Variants in LRRTM3 observed in about 807,000 individuals in gnomAD.
LRRTM3 encodes the protein leucine rich repeat transmembrane neuronal 3, also known as leucine-rich repeat transmembrane neuronal protein 3.
In LRRTM3, 24 loss-of-function variants were observed where a neutral mutation model predicts 44.7. The ratio of observed to expected loss-of-function variants is 0.54; its 90% CI spans 0.39 to 0.76. LRRTM3 has a LOEUF of 0.76. Ranked by LOEUF, LRRTM3 falls within the 30% of genes least tolerant of loss-of-function variation. The probability of loss-of-function intolerance (pLI) is 0.00; values close to 1 mark genes in which losing one functional copy is unlikely to be tolerated. For synonymous variants in LRRTM3, 277 were observed against 278.7 expected, an observed-to-expected ratio of 0.99 and a Z score of 0.06; for missense variants, 587 against 702.2, an observed-to-expected ratio of 0.84 and a Z score of 1.85.
intron 2 of LRRTM3, among the ~76,000 whole-genome samples, chr10:66,982,378 A>G (rs1850491713): frequency 6.6e-6 from 1 of 152,210 alleles, no homozygotes; most frequent in Non-Finnish European, 1.5e-5. Context: ...GACTCAGGCA[A>G]GTTACTAACT....
intron 2 of LRRTM3, among the ~76,000 whole-genome samples, chr10:66,978,574 A>G (rs1462823656): frequency 8.8e-6 from 1 of 114,136 alleles, no homozygotes; most frequent in Non-Finnish European, 1.8e-5. Context: ...TATATATAGT[A>G]TGGTGTACTT....
At chr10:67,092,499 C>A (rs879589412) in intron 2 of LRRTM3, among the ~76,000 whole-genome samples, 2 of 151,726 alleles carry the variant, frequency 1.3e-5, no homozygotes, top group Non-Finnish European at 2.9e-5. Flanking sequence ...TCTTGAGTGA[C>A]CTTAACCAAA....
At chr10:67,042,565 T>G (rs968395682) in intron 2 of LRRTM3, among the ~76,000 whole-genome samples, 7 of 151,370 alleles carry the variant, frequency 4.6e-5, no homozygotes, top group Non-Finnish European at 8.8e-5. Flanking sequence ...ACATATAAGG[T>G]AAGAAAAGGG....
At chr10:66,936,537 A>G (rs1264338270) in intron 2 of LRRTM3, among the ~76,000 whole-genome samples, 1 of 151,860 alleles carries the variant, frequency 6.6e-6, no homozygotes, top group African/African-American at 2.4e-5. Flanking sequence ...TAATTCTTTG[A>G]GTGCACTGCC....
In LRRTM3 at chr10:66,976,006, C is replaced by T. The variant is rs184354369; in HGVS notation, c.1536+47554C>T. On this transcript the variant is annotated intron_variant, in intron 2 of 2. Transcript: ENST00000361320. ...AAAACCAGAGTTGATTCTTTTCTAC[C>T]AACTGCCCTCTTTAATTTCCCTGTA... Among the ~76,000 whole-genome samples the T allele has an allele frequency of 1.1e-3, 170 of 152,204 alleles. 2 individuals are homozygous for T. Among genetic ancestry groups the T allele is most frequent in the African/African-American group, 4.0e-3 (165 of 41,540 alleles).
chr10:66,961,844 T>C (rs555631038), intron 2 of LRRTM3, among the ~76,000 whole-genome samples: 1 of 152,192 alleles, frequency 6.6e-6, no homozygotes, highest in South Asian at 2.1e-4. Context: ...ACTAAACCTA[T>C]TCCTCCTCTA....
intron 2 of LRRTM3, among the ~76,000 whole-genome samples, chr10:67,014,453 C>A (rs770106450): frequency 6.6e-6 from 1 of 152,046 alleles, no homozygotes; most frequent in Non-Finnish European, 1.5e-5. Context: ...CCAGGTGGTG[C>A]CTGTTTGTAA....
rs116347795 is a variant in LRRTM3 at position 66,983,154 on chromosome 10, T to A, written c.1536+54702T>A. Among the ~76,000 whole-genome samples, 716 of 152,304 alleles carry A rather than the reference T, an allele frequency of 4.7e-3. 10 individuals carry two copies. The highest frequency in any genetic ancestry group is 0.016 in the African/African-American group (665 of 41,560). On this transcript the variant is annotated intron_variant, in intron 2 of 2. Coordinates refer to ENST00000361320, the MANE Select transcript of LRRTM3 (RefSeq NM_178011.5). ...TTAAAAACTAATGAGCAAATTTTTT[T>A]ATTATTATTTTTGAAAACACTGCAG...
rs1001458685 is a variant in LRRTM3 at position 66,950,500 on chromosome 10, CA to C, written c.1536+22052del. 3.9e-5 allele frequency among the ~76,000 whole-genome samples: 6 copies of C among 151,936 alleles called. No individual in the cohort carries two copies. In the East Asian group the frequency reaches 9.7e-4, roughly 24 times the overall value. ...CTCACTGAGACTCTAGTATATTAAA[CA>C]AAAGATCCTTATTTCCCTATCTTTG... On this transcript the variant is annotated intron_variant, in intron 2 of 2. Transcript: ENST00000361320.
chr10:67,095,402 C>T (rs1429036565), intron 2 of LRRTM3, among the ~76,000 whole-genome samples: 2 of 151,602 alleles, frequency 1.3e-5, no homozygotes, highest in Admixed American at 6.6e-5. Context: ...CAAAATAAGA[C>T]ATATCCAACA....
At position 67,100,605 on chromosome 10, in the gene LRRTM3, A is replaced by G. The variant is rs1007860465; in HGVS notation, c.*2809A>G. On this transcript the variant is annotated 3_prime_UTR_variant, in exon 3 of 3. Coordinates refer to ENST00000361320, the MANE Select transcript of LRRTM3 (RefSeq NM_178011.5). ...ATGTCTCCCTTCCTGTCTATTCCTC[A>G]CCGATTTAAACAACTGAAATGTTTA... Among the ~76,000 whole-genome samples, 2 of 151,440 alleles carry G rather than the reference A, an allele frequency of 1.3e-5. No individual in the cohort carries two copies. The highest frequency in any genetic ancestry group is 6.6e-5 in the Admixed American group (1 of 15,104).
intron 2 of LRRTM3, among the ~76,000 whole-genome samples, chr10:67,097,121 AG>A (rs1858044318): frequency 1.3e-5 from 2 of 151,818 alleles, no homozygotes; most frequent in African/African-American, 2.4e-5. Flanking sequence ...CTTGGGTGGC[AG>A]GGGGTTGACT....
At chr10:67,038,898 C>A (rs1439459601) in intron 2 of LRRTM3, among the ~76,000 whole-genome samples, 4 of 151,814 alleles carry the variant, frequency 2.6e-5, no homozygotes, top group Admixed American at 6.6e-5. Flanking sequence ...TAGAAAGGAA[C>A]AAATTAACTA....
At chr10:66,978,537 A>ATAAATAAAATAAAAAT (rs1850201597) in intron 2 of LRRTM3, among the ~76,000 whole-genome samples, 6 of 97,514 alleles carry the variant, frequency 6.2e-5, no homozygotes, top group Admixed American at 1.1e-4. Flanking sequence ...AAAAAAAAAA[A>ATAAATAAAATAAAAAT]AAAAAAAAAA....
At chr10:67,031,006 A>G (rs1042223528) in intron 2 of LRRTM3, among the ~76,000 whole-genome samples, 3 of 152,130 alleles carry the variant, frequency 2.0e-5, no homozygotes, top group Admixed American at 1.3e-4. Flanking sequence ...CTCCGTCTCA[A>G]AAAAATAAAT....
intron 2 of LRRTM3, among the ~76,000 whole-genome samples, chr10:67,094,414 A>T (rs1348659190): frequency 6.6e-6 from 1 of 151,888 alleles, no homozygotes; most frequent in Non-Finnish European, 1.5e-5. Flanking sequence ...AAAATACATG[A>T]TAGCAATTGT....
At chr10:67,061,834 G>A (rs184619329) in intron 2 of LRRTM3, among the ~76,000 whole-genome samples, 30 of 152,324 alleles carry the variant, frequency 2.0e-4, no homozygotes, top group African/African-American at 7.2e-4. Flanking sequence ...ATAAGCAGAT[G>A]AGAGGGAGAA....
intron 2 of LRRTM3, among the ~76,000 whole-genome samples, chr10:66,981,316 C>A (rs1850428259): frequency 6.6e-6 from 1 of 152,176 alleles, no homozygotes; most frequent in Non-Finnish European, 1.5e-5. Flanking sequence ...TCATCTATAT[C>A]TCTAAATATT....
In LRRTM3 at chr10:66,928,475, G is replaced by T. The variant is rs1564773240; in HGVS notation, c.1536+23G>T. On this transcript the variant is annotated intron_variant, in intron 2 of 2. Coordinates refer to ENST00000361320, the MANE Select transcript of LRRTM3 (RefSeq NM_178011.5). ...GAGGTATGAACCATTGTGATAAAAA[G>T]AGCTCTTAAAAGCTGGGAAATAAGT... The T allele has an allele frequency of 2.6e-6, 4 of 1,560,544 alleles. No individual in the cohort carries two copies. In the East Asian group the frequency reaches 9.0e-5, roughly 35 times the overall value.
Sources: allele counts gnomAD v4.1 joint callset (sites outside exome capture counted in the v4.1 genomes callset), GRCh38; gene constraint gnomAD v4.1.1; transcripts MANE v1.5; gene names NCBI Gene and HGNC (gene_info 2026-07-23, HGNC 2026-07-21).